DACH2: variants seen among roughly 807,000 people sequenced by gnomAD.
The protein encoded by DACH2 is dachshund family transcription factor 2, also known as dachshund homolog 2.
Under a neutral mutation model 35.8 loss-of-function variants are expected in DACH2, and 17 were observed. That is an observed-to-expected ratio of 0.48 (90% CI 0.33 to 0.71). The LOEUF is 0.71. Ranked by LOEUF, DACH2 falls within the 30% of genes least tolerant of loss-of-function variation. The pLI is 0.02. For synonymous variants in DACH2, 195 were observed against 177.3 expected (o/e 1.10, Z -0.79); for missense variants, 469 against 472.7 (o/e 0.99, Z 0.07).
At chrX:86,417,077 G>C (rs1416386515) in intron 2 of DACH2, among the ~76,000 whole-genome samples, 3 of 66,957 alleles carry the variant, frequency 4.5e-5, no homozygotes, top group African/African-American at 1.3e-4. Context: ...CTGTTCAACA[G>C]AGACTCCATC....
intron 2 of DACH2, among the ~76,000 whole-genome samples, chrX:86,461,919 T>C (rs1007977258): frequency 9.0e-6 from 1 of 111,554 alleles, no homozygotes; most frequent in African/African-American, 3.2e-5. Flanking sequence ...TCTTATTCAT[T>C]GGGTATATTT....
chrX:86,221,897 A>G (rs762538438), intron 1 of DACH2, among the ~76,000 whole-genome samples: 1 of 112,121 alleles, frequency 8.9e-6, no homozygotes, highest in African/African-American at 3.2e-5. Context: ...TAGCTTGCAG[A>G]TGGCTGCCTT....
chrX:86,442,229 C>A (rs1162875488), intron 2 of DACH2, among the ~76,000 whole-genome samples: 1 of 109,629 alleles, frequency 9.1e-6, no homozygotes, highest in Non-Finnish European at 1.9e-5. Flanking sequence ...CTCATTGTGG[C>A]TTTGATTTCC....
At position 86,506,595 on chromosome X, in the gene DACH2, A is replaced by G. The variant is rs1047033962; in HGVS notation, c.528-7684A>G. ...TTTTTGTAGAGATGGCTGTCTTGCT[A>G]TGTTGCGCAGGCTCGTCTCAAACTC... On this transcript the variant is annotated intron_variant, in intron 2 of 11. Transcript: ENST00000373125. 2.7e-5 allele frequency among the ~76,000 whole-genome samples: 3 copies of G among 110,303 alleles called. No individual in the cohort carries two copies. The East Asian group carries it at 8.6e-4, about 32-fold the overall frequency.
chrX:86,695,678 T>A (rs1223614154), intron 5 of DACH2, among the ~76,000 whole-genome samples: 1 of 109,624 alleles, frequency 9.1e-6, no homozygotes, highest in African/African-American at 3.3e-5. Context: ...TCCAGCTAAA[T>A]TTTTTTGTAT....
intron 6 of DACH2, among the ~76,000 whole-genome samples, chrX:86,733,092 A>G (rs1016239340): frequency 8.9e-6 from 1 of 111,797 alleles, no homozygotes; most frequent in African/African-American, 3.2e-5. Context: ...TGAATTATTT[A>G]GTATAGTTTG....
intron 4 of DACH2, among the ~76,000 whole-genome samples, chrX:86,683,651 A>T (rs1426038176): frequency 1.8e-5 from 2 of 111,661 alleles, no homozygotes; most frequent in African/African-American, 6.5e-5. Flanking sequence ...TAGTATAGTT[A>T]AAAAGGTAGT....
At chrX:86,325,493 G>A (rs950129150) in intron 1 of DACH2, among the ~76,000 whole-genome samples, 1 of 112,230 alleles carries the variant, frequency 8.9e-6, no homozygotes, top group Non-Finnish European at 1.9e-5. Context: ...ATTGAGGATT[G>A]AATTAAGTTT....
intron 1 of DACH2, among the ~76,000 whole-genome samples, chrX:86,197,689 T>G (rs1490817233): frequency 9.0e-6 from 1 of 111,062 alleles, no homozygotes; most frequent in Non-Finnish European, 1.9e-5. Flanking sequence ...TACATAATGG[T>G]GAAGGGTTCA....
chrX:86,397,596 A>G (rs374095817), intron 2 of DACH2, among the ~76,000 whole-genome samples: 17 of 111,335 alleles, frequency 1.5e-4, no homozygotes, highest in African/African-American at 4.3e-4. Flanking sequence ...AGTGTTTAGC[A>G]TGAAGGGTTG....
intron 4 of DACH2, among the ~76,000 whole-genome samples, chrX:86,693,148 AAC>A (rs1277963180): frequency 4.4e-5 from 5 of 112,374 alleles, no homozygotes; most frequent in African/African-American, 1.6e-4. Context: ...GTTTTCAATG[AAC>A]ATAGCAGACC....
At chrX:86,240,458 T>TATC (rs1219019114) in intron 1 of DACH2, among the ~76,000 whole-genome samples, 2 of 104,482 alleles carry the variant, frequency 1.9e-5, no homozygotes, top group Non-Finnish European at 3.9e-5. Flanking sequence ...TTATTATTAT[T>TATC]ATTATTATTA....
intron 1 of DACH2, among the ~76,000 whole-genome samples, chrX:86,340,744 T>A (rs181310310): frequency 3.6e-5 from 4 of 111,841 alleles, no homozygotes; most frequent in Non-Finnish European, 7.5e-5. Context: ...TTGAGGGAAA[T>A]TAAAAAGTGC....
chrX:86,705,054 T>TATATATATATATCTCAC (rs2041197613), intron 5 of DACH2, among the ~76,000 whole-genome samples: 1 of 106,992 alleles, frequency 9.3e-6, no homozygotes, highest in African/African-American at 3.4e-5. Context: ...ATCTCACATA[T>TATATATATATATCTCAC]ATATATATAT....
At chrX:86,679,092 C>T (rs1257706915) in intron 4 of DACH2, among the ~76,000 whole-genome samples, 2 of 108,228 alleles carry the variant, frequency 1.8e-5, no homozygotes, top group Non-Finnish European at 3.8e-5. Flanking sequence ...TGTTCTTTCC[C>T]ACCTCCATTT....
intron 1 of DACH2, among the ~76,000 whole-genome samples, chrX:86,226,579 C>T (rs1031338744): frequency 1.8e-5 from 2 of 111,629 alleles, no homozygotes; most frequent in Non-Finnish European, 3.8e-5. Context: ...AGTTGCATTA[C>T]TTTTATACAG....
At chrX:86,793,483 G>A (rs1252281723) in intron 7 of DACH2, among the ~76,000 whole-genome samples, 1 of 111,217 alleles carries the variant, frequency 9.0e-6, no homozygotes, top group Non-Finnish European at 1.9e-5. Flanking sequence ...TATCTTGAAG[G>A]GTAGGGAGAG....
At position 86,204,812 on chromosome X, in the gene DACH2, A is replaced by G. The variant is rs754992485; in HGVS notation, c.488+55704A>G. Among the ~76,000 whole-genome samples the G allele has an allele frequency of 1.3e-3, 143 of 112,061 alleles. 1 individual carries two copies. The highest frequency in any genetic ancestry group is 5.3e-3 in the Admixed American group (56 of 10,547). On this transcript the variant is annotated intron_variant, in intron 1 of 11. Coordinates refer to ENST00000373125, the MANE Select transcript of DACH2 (RefSeq NM_053281.3). ...GCAGCTCAATCGGATGGGAGATATT[A>G]TTCCTATTTTATAGATGATATTTGA...
intron 3 of DACH2, among the ~76,000 whole-genome samples, chrX:86,583,098 A>T (rs1011457658): frequency 9.9e-5 from 11 of 111,597 alleles, no homozygotes; most frequent in Non-Finnish European, 1.9e-4. Flanking sequence ...CATAAGCAGA[A>T]CTAAAAACAA....
Sources: gnomAD v4.1 joint callset for allele counts (sites outside exome capture counted in the v4.1 genomes callset) on GRCh38, gnomAD v4.1.1 for gene constraint, MANE v1.5 for transcripts, NCBI Gene and HGNC (gene_info 2026-07-23, HGNC 2026-07-21) for gene names.